Variants in IPCEF1 observed in about 807,000 individuals in gnomAD.
IPCEF1 encodes interactor protein for cytohesin exchange factors 1.
A neutral mutation model predicts 50.9 loss-of-function variants in IPCEF1; 31 were observed. The observed-to-expected ratio is 0.61, with a 90% CI of 0.46 to 0.82. The LOEUF is 0.82. Ranked by LOEUF, IPCEF1 falls within the 40% of genes least tolerant of loss-of-function variation. IPCEF1 has a pLI of 0.00. For synonymous variants in IPCEF1, 181 were observed against 192.0 expected (o/e 0.94, Z 0.47); for missense variants, 458 against 514.0 (o/e 0.89, Z 1.05).
At position 154,157,928 on chromosome 6, in the gene IPCEF1, C is replaced by T. The variant is rs1342665438; in HGVS notation, c.*1900G>A. 6.6e-6 allele frequency: 1 copy of T among 152,280 alleles called. No homozygotes were observed. The highest frequency in any genetic ancestry group is 1.5e-5 in the Non-Finnish European group (1 of 68,056). 9.4% of individuals were successfully genotyped at this position (152,280 alleles called of 1,614,324 possible). A position where few individuals can be genotyped will look rare whatever the true frequency, so the allele number is the denominator to read the frequency against. ...TCTGAATGTTCTCTCTGTCAGGTCACCACAGGTCAAACTCATCTTCAGTGG... is the reference window on the plus strand; with the variant it reads ...TCTGAATGTTCTCTCTGTCAGGTCATCACAGGTCAAACTCATCTTCAGTGG... On this transcript the variant is annotated 3_prime_UTR_variant, in exon 12 of 12. Transcript: ENST00000367220.
intron 10 of IPCEF1, among the ~76,000 whole-genome samples, chr6:154,193,892 A>C (rs1314461617): frequency 6.6e-6 from 1 of 152,200 alleles, no homozygotes; most frequent in East Asian, 1.9e-4. Flanking sequence ...GTGCTCAAAA[A>C]ACTGTTGATA....
chr6:154,173,538 C>A (rs1800049235), intron 10 of IPCEF1, among the ~76,000 whole-genome samples: 1 of 151,934 alleles, frequency 6.6e-6, no homozygotes, highest in Non-Finnish European at 1.5e-5. Flanking sequence ...CAAGCTTCAA[C>A]AGCCGATTCA....
intron 1 of IPCEF1, among the ~76,000 whole-genome samples, chr6:154,341,418 G>T (rs1480388861): frequency 1.3e-5 from 2 of 152,298 alleles, no homozygotes; most frequent in East Asian, 3.9e-4. Flanking sequence ...CTACAGAAGG[G>T]ATCATTTGGG....
chr6:154,322,995 A>G (rs1783424758), intron 1 of IPCEF1, among the ~76,000 whole-genome samples: 1 of 152,248 alleles, frequency 6.6e-6, no homozygotes, highest in Non-Finnish European at 1.5e-5. Flanking sequence ...AGGAATTTGA[A>G]CATTATTAAA....
chr6:154,324,960 G>A (rs963682350), intron 1 of IPCEF1, among the ~76,000 whole-genome samples: 6 of 151,964 alleles, frequency 3.9e-5, no homozygotes, highest in South Asian at 4.1e-4. Flanking sequence ...ATATTTCAAC[G>A]CATATGACAA....
intron 5 of IPCEF1, among the ~76,000 whole-genome samples, chr6:154,234,189 A>AT (rs1779934932): frequency 6.6e-6 from 1 of 152,050 alleles, no homozygotes; most frequent in Admixed American, 6.6e-5. Flanking sequence ...GTGAGACCCC[A>AT]TCTCTAAAAA....
chr6:154,192,516 T>C (rs1801993535), intron 10 of IPCEF1, among the ~76,000 whole-genome samples: 1 of 151,998 alleles, frequency 6.6e-6, no homozygotes, highest in South Asian at 2.1e-4. Context: ...ACATTTGAAC[T>C]TAATTAAACC....
intron 10 of IPCEF1, among the ~76,000 whole-genome samples, chr6:154,180,652 T>C (rs1015709116): frequency 5.3e-5 from 8 of 152,102 alleles, no homozygotes; most frequent in Non-Finnish European, 1.0e-4. Context: ...TTAAATGCTA[T>C]ATTTTCAACT....
chr6:154,177,218 A>G (rs1271093688), intron 10 of IPCEF1, among the ~76,000 whole-genome samples: 2 of 152,234 alleles, frequency 1.3e-5, no homozygotes, highest in Non-Finnish European at 2.9e-5. Flanking sequence ...CGTTCAGGAC[A>G]TAGGCATGGG....
chr6:154,163,109 C>T (rs1437406752), intron 11 of IPCEF1, among the ~76,000 whole-genome samples: 3 of 152,178 alleles, frequency 2.0e-5, no homozygotes, highest in African/African-American at 7.2e-5. Context: ...TCCTTCTGTT[C>T]AGAACCTTCC....
intron 5 of IPCEF1, among the ~76,000 whole-genome samples, chr6:154,231,514 A>G (rs1321368862): frequency 2.0e-5 from 3 of 152,266 alleles, no homozygotes; most frequent in Non-Finnish European, 4.4e-5. Context: ...ACAGTTGAAT[A>G]CACTGTGGTA....
chr6:154,199,803 G>A lies in IPCEF1; in HGVS notation c.775C>T (p.Leu259=), dbSNP rs908972507. The part of the protein sequence containing the change: ...VPSEAGIHKA[L]ENSFVTSESG... ...TCTGATGTGACAAAACTGTTTTCCAGGGCCTTGTGGATGCCTGCCTCTGAG... is the reference window on the plus strand; with the variant it reads ...TCTGATGTGACAAAACTGTTTTCCAAGGCCTTGTGGATGCCTGCCTCTGAG... Residue 259 remains leucine (L), a synonymous_variant, in exon 10 of 12, where the codon CTG becomes TTG. Transcript: ENST00000367220. 2 of 1,614,174 alleles carry A rather than the reference G, an allele frequency of 1.2e-6. No individual in the cohort carries two copies. The highest frequency in any genetic ancestry group is 1.7e-6 in the Non-Finnish European group (2 of 1,180,022).
chr6:154,181,499 G>C (rs939894784), intron 10 of IPCEF1, among the ~76,000 whole-genome samples: 3 of 152,202 alleles, frequency 2.0e-5, no homozygotes, highest in African/African-American at 7.2e-5. Flanking sequence ...GCTATACTAT[G>C]CTATGAATAT....
At chr6:154,270,687 T>TAA (rs1781880153) in intron 2 of IPCEF1, among the ~76,000 whole-genome samples, 1 of 152,238 alleles carries the variant, frequency 6.6e-6, no homozygotes, top group Admixed American at 6.5e-5. Context: ...TTTAAATATG[T>TAA]ATTCTTGGCC....
At chr6:154,287,289 GAACTATGGGCCAATTAAAC>G (rs906705622) in intron 2 of IPCEF1, among the ~76,000 whole-genome samples, 1 of 151,704 alleles carries the variant, frequency 6.6e-6, no homozygotes, top group Non-Finnish European at 1.5e-5. Context: ...ACAGCCTGTG[GAACTATGGGCCAATTAAAC>G]CTCCTTTCTT....
rs1198220056 is a variant in IPCEF1, at chr6:154,279,723, A to T, written c.-18+9990T>A. 2.0e-5 allele frequency among the ~76,000 whole-genome samples: 3 copies of T among 152,226 alleles called. No individual in the cohort carries two copies. In the East Asian group the frequency reaches 5.8e-4, roughly 29 times the overall value. On this transcript the variant is annotated intron_variant, in intron 2 of 11. Coordinates refer to ENST00000367220, the MANE Select transcript of IPCEF1 (RefSeq NM_001130700.2). ...CAAAAGACAACCTTAGGGACTGAGA[A>T]AACAAGCAAATGAATGAGAAGAGGT...
intron 1 of IPCEF1, among the ~76,000 whole-genome samples, chr6:154,349,183 C>CTTATTATTA (rs149749046): frequency 3.4e-4 from 50 of 147,596 alleles, no homozygotes; most frequent in African/African-American, 1.2e-3. Context: ...ATTATTTTAT[C>CTTATTATTA]TTATTATTAT....
intron 1 of IPCEF1, among the ~76,000 whole-genome samples, chr6:154,305,527 T>C (rs908486280): frequency 6.6e-6 from 1 of 152,192 alleles, no homozygotes; most frequent in African/African-American, 2.4e-5. Flanking sequence ...CAAAAATCAC[T>C]AATAGTTCTC....
intron 1 of IPCEF1, among the ~76,000 whole-genome samples, chr6:154,294,524 G>A (rs904215721): frequency 2.0e-5 from 3 of 152,068 alleles, no homozygotes; most frequent in East Asian, 1.9e-4. Flanking sequence ...GAGAACCTTC[G>A]ACTGGCCTGT....
Sources: gnomAD v4.1 joint callset for allele counts (sites outside exome capture counted in the v4.1 genomes callset) on GRCh38, gnomAD v4.1.1 for gene constraint, MANE v1.5 for transcripts, NCBI Gene and HGNC (gene_info 2026-07-23, HGNC 2026-07-21) for gene names.